The following TMEM132B variants were observed in gnomAD, a reference collection of about 807,000 sequenced individuals.
TMEM132B encodes transmembrane protein 132B.
TMEM132B carries 18 observed loss-of-function variants against 90.8 expected under a neutral mutation model. The observed-to-expected ratio is 0.20, with a 90% CI of 0.14 to 0.29. The LOEUF is 0.29. Among genes scored for constraint, TMEM132B ranks in the 10% least tolerant of loss-of-function variants. The pLI is 1.00. For missense variants in TMEM132B, 1,096 were observed against 1,326.8 expected (o/e 0.83, Z 2.70); for synonymous variants, 504 against 523.3 (o/e 0.96, Z 0.50).
intron 2 of TMEM132B, among the ~76,000 whole-genome samples, chr12:125,366,643 G>A (rs1040439446): frequency 6.6e-6 from 1 of 152,076 alleles, no homozygotes; most frequent in African/African-American, 2.4e-5. Flanking sequence ...GCAGAGGTAT[G>A]GACTTTTAAA....
intron 1 of TMEM132B, among the ~76,000 whole-genome samples, chr12:125,299,018 C>T (rs1406358396): frequency 6.6e-6 from 1 of 152,090 alleles, no homozygotes; most frequent in Non-Finnish European, 1.5e-5. Flanking sequence ...CAGGCGTGAG[C>T]CACCACGCCC....
At position 125,480,485 on chromosome 12, in the gene TMEM132B, A is replaced by G. The variant is rs141190067; in HGVS notation, c.1107-38954A>G. Among the ~76,000 whole-genome samples the G allele has an allele frequency of 9.3e-3, 1,417 of 152,370 alleles. 13 individuals are homozygous for G. Among genetic ancestry groups the G allele is most frequent in the Middle Eastern group, 0.014 (4 of 294 alleles). ...GTCAGAGAATACTATAAACACCTCT[A>G]CGCAAATAAACTAGAAAATCTAGAA... On this transcript the variant is annotated intron_variant, in intron 3 of 8. Transcript: ENST00000682704.
At chr12:125,396,062 C>CA (rs1267117875) in intron 2 of TMEM132B, among the ~76,000 whole-genome samples, 1 of 152,206 alleles carries the variant, frequency 6.6e-6, no homozygotes, top group Non-Finnish European at 1.5e-5. Flanking sequence ...TGATTGGCCA[C>CA]ATACATACCA....
intron 1 of TMEM132B, among the ~76,000 whole-genome samples, chr12:125,188,270 T>C (rs1957771205): frequency 6.6e-6 from 1 of 152,218 alleles, no homozygotes; most frequent in African/African-American, 2.4e-5. Context: ...AAGGAGCAGC[T>C]ATGATAGCTG....
intron 2 of TMEM132B, among the ~76,000 whole-genome samples, chr12:125,388,393 C>T (rs1156954036): frequency 6.6e-6 from 1 of 152,142 alleles, no homozygotes. Context: ...CCCACCATTG[C>T]ACTCCAGCCT....
At chr12:125,432,419 A>ATG (rs1279894835) in intron 3 of TMEM132B, among the ~76,000 whole-genome samples, 16 of 75,214 alleles carry the variant, frequency 2.1e-4, no homozygotes, top group Non-Finnish European at 3.9e-4. Context: ...GTATATATAT[A>ATG]TATGTATGTG....
intron 2 of TMEM132B, among the ~76,000 whole-genome samples, chr12:125,398,974 A>T (rs775944541): frequency 1.3e-5 from 2 of 152,120 alleles, no homozygotes; most frequent in African/African-American, 2.4e-5. Flanking sequence ...TTTTTGTGGT[A>T]TGGCTGAGAG....
chr12:125,515,773 T>A (rs1434512648), intron 3 of TMEM132B, among the ~76,000 whole-genome samples: 1 of 150,222 alleles, frequency 6.7e-6, no homozygotes, highest in Non-Finnish European at 1.5e-5. Flanking sequence ...CTCACACACA[T>A]TTGCACATCT....
intron 4 of TMEM132B, among the ~76,000 whole-genome samples, chr12:125,564,256 A>C (rs966725282): frequency 6.6e-6 from 1 of 152,256 alleles, no homozygotes; most frequent in African/African-American, 2.4e-5. Context: ...ATATTAATCA[A>C]TGCTTATGTA....
intron 1 of TMEM132B, among the ~76,000 whole-genome samples, chr12:125,324,140 C>A (rs532492162): frequency 2.0e-5 from 3 of 152,342 alleles, no homozygotes; most frequent in Admixed American, 2.0e-4. Flanking sequence ...TTGCAGAATT[C>A]TCTGCAAAAT....
At chr12:125,557,003 A>G (rs1201128120) in intron 4 of TMEM132B, among the ~76,000 whole-genome samples, 1 of 152,146 alleles carries the variant, frequency 6.6e-6, no homozygotes, top group Non-Finnish European at 1.5e-5. Context: ...AAACGAAGGA[A>G]AAACGACCCT....
chr12:125,289,734 C>T (rs983372730), intron 1 of TMEM132B, among the ~76,000 whole-genome samples: 1 of 152,208 alleles, frequency 6.6e-6, no homozygotes, highest in African/African-American at 2.4e-5. Flanking sequence ...ACAGAGACAT[C>T]AAGTCACTTG....
At chr12:125,571,456 T>G (rs1884792458) in intron 4 of TMEM132B, among the ~76,000 whole-genome samples, 1 of 152,240 alleles carries the variant, frequency 6.6e-6, no homozygotes, top group African/African-American at 2.4e-5. Flanking sequence ...GTTATAAATA[T>G]GCATTATTAT....
intron 1 of TMEM132B, among the ~76,000 whole-genome samples, chr12:125,329,239 C>G (rs1876691173): frequency 6.6e-6 from 1 of 152,226 alleles, no homozygotes; most frequent in Non-Finnish European, 1.5e-5. Flanking sequence ...ATCAAATCTG[C>G]TGGCGCCTTG....
chr12:125,447,475 T>C (rs1881037874), intron 3 of TMEM132B, among the ~76,000 whole-genome samples: 1 of 152,244 alleles, frequency 6.6e-6, no homozygotes, highest in Non-Finnish European at 1.5e-5. Context: ...GTTAATTCCA[T>C]TTATCATGCT....
chr12:125,522,701 A>T (rs1883338108), intron 4 of TMEM132B, among the ~76,000 whole-genome samples: 1 of 152,156 alleles, frequency 6.6e-6, no homozygotes, highest in Non-Finnish European at 1.5e-5. Context: ...GGCCACCATG[A>T]ACTGTAGGAG....
chr12:125,481,656 T>A (rs1192307160), intron 3 of TMEM132B, among the ~76,000 whole-genome samples: 3 of 152,082 alleles, frequency 2.0e-5, no homozygotes, highest in Non-Finnish European at 4.4e-5. Flanking sequence ...AGAATCAATA[T>A]CGTGAAAATG....
intron 3 of TMEM132B, among the ~76,000 whole-genome samples, chr12:125,423,046 A>G (rs1333574632): frequency 6.6e-6 from 1 of 152,226 alleles, no homozygotes; most frequent in East Asian, 1.9e-4. Context: ...AAGTGCAGAC[A>G]GTCCTGGATG....
At chr12:125,423,244 A>T (rs1880218904) in intron 3 of TMEM132B, among the ~76,000 whole-genome samples, 1 of 152,336 alleles carries the variant, frequency 6.6e-6, no homozygotes, top group South Asian at 2.1e-4. Context: ...AAAGCAATGG[A>T]TTTGAGATAC....
Sources: gnomAD v4.1 joint callset for allele counts (sites outside exome capture counted in the v4.1 genomes callset) on GRCh38, gnomAD v4.1.1 for gene constraint, MANE v1.5 for transcripts, NCBI Gene and HGNC (gene_info 2026-07-23, HGNC 2026-07-21) for gene names.